Variants in PRKCB observed in about 807,000 individuals in gnomAD.
PRKCB encodes protein kinase C beta type.
A neutral mutation model predicts 81.5 loss-of-function variants in PRKCB; 13 were observed. That is an observed-to-expected ratio of 0.16 (90% CI 0.10 to 0.25). The LOEUF (loss-of-function observed/expected upper bound fraction) is 0.25. Ranked by LOEUF, PRKCB falls within the 10% of genes least tolerant of loss-of-function variation. PRKCB has a pLI of 1.00. For synonymous variants in PRKCB, 335 were observed against 321.4 expected (o/e 1.04, Z -0.45); for missense variants, 509 against 875.7 (o/e 0.58, Z 5.29).
intron 2 of PRKCB, among the ~76,000 whole-genome samples, chr16:23,886,133 C>A (rs1963195283): frequency 6.6e-6 from 1 of 152,192 alleles, no homozygotes; most frequent in Admixed American, 6.5e-5. Context: ...GAGCTGAGAT[C>A]CAAATCTAAG....
intron 2 of PRKCB, among the ~76,000 whole-genome samples, chr16:23,902,359 C>T (rs1413549295): frequency 6.6e-6 from 1 of 152,172 alleles, no homozygotes; most frequent in Non-Finnish European, 1.5e-5. Flanking sequence ...ATACCCCTCA[C>T]CCAAAGTTTC....
At chr16:24,005,535 A>G (rs1203006575) in intron 3 of PRKCB, among the ~76,000 whole-genome samples, 1 of 152,220 alleles carries the variant, frequency 6.6e-6, no homozygotes, top group Admixed American at 6.5e-5. Flanking sequence ...ATCGGGAGTC[A>G]CTTACAGTTC....
intron 2 of PRKCB, among the ~76,000 whole-genome samples, chr16:23,839,555 G>C (rs1438515539): frequency 5.9e-5 from 9 of 152,178 alleles, no homozygotes; most frequent in Admixed American, 5.9e-4. Context: ...TTATAGGTGT[G>C]AGCCACTATG....
At chr16:24,011,355 CA>C (rs1453176211) in intron 3 of PRKCB, among the ~76,000 whole-genome samples, 1 of 152,128 alleles carries the variant, frequency 6.6e-6, no homozygotes, top group Non-Finnish European at 1.5e-5. Context: ...CTGATACTTT[CA>C]GGGGTAGTTT....
intron 3 of PRKCB, 108 bp from the exon 4 acceptor site, chr16:24,032,028 G>T: frequency 1.4e-6 from 1 of 725,650 alleles, no homozygotes. Flanking sequence ...ATGACCTCTG[G>T]GGACCAAGTT....
chr16:24,108,794 TCC>T (rs1966615864), intron 7 of PRKCB, among the ~76,000 whole-genome samples: 1 of 151,820 alleles, frequency 6.6e-6, no homozygotes, highest in South Asian at 2.1e-4. Flanking sequence ...CTCAATCTTT[TCC>T]CCACCTTTCC....
intron 2 of PRKCB, among the ~76,000 whole-genome samples, chr16:23,944,662 C>T (rs1280391023): frequency 1.3e-5 from 2 of 152,148 alleles, no homozygotes; most frequent in Admixed American, 6.5e-5. Context: ...AAGCCAGGTC[C>T]CCCTCCTGCT....
intron 2 of PRKCB, among the ~76,000 whole-genome samples, chr16:23,944,846 A>G (rs1264077303): frequency 6.6e-6 from 1 of 152,226 alleles, no homozygotes; most frequent in Non-Finnish European, 1.5e-5. Flanking sequence ...TGAATTGACT[A>G]GCTTCATGTC....
intron 7 of PRKCB, among the ~76,000 whole-genome samples, chr16:24,110,689 T>G (rs983328471): frequency 6.6e-6 from 1 of 152,070 alleles, no homozygotes; most frequent in Admixed American, 6.5e-5. Flanking sequence ...GCTAAATTTT[T>G]TTAATTTTTT....
intron 2 of PRKCB, among the ~76,000 whole-genome samples, chr16:23,888,502 G>A (rs1597229726): frequency 6.6e-6 from 1 of 152,214 alleles, no homozygotes; most frequent in Admixed American, 6.5e-5. Context: ...CCAGGAAGCT[G>A]AATGCTGTTG....
At chr16:23,994,584 T>C (rs560365224) in intron 3 of PRKCB, among the ~76,000 whole-genome samples, 115 of 152,296 alleles carry the variant, frequency 7.6e-4, no homozygotes, top group Middle Eastern at 3.4e-3. Flanking sequence ...CTTATTCAGC[T>C]CTCTTATTTG....
In PRKCB at chr16:24,218,001, T is replaced by C. The variant is rs2141997853; in HGVS notation, c.*3185T>C. On this transcript the variant is annotated 3_prime_UTR_variant, in exon 17 of 17. Transcript: ENST00000643927. Reference sequence around the variant, plus strand: ...GGACAATTATAAGTTGCAAAAAGGATAGAGGCATATCCCAAGTCTTCCTTC... The same window carrying C: ...GGACAATTATAAGTTGCAAAAAGGACAGAGGCATATCCCAAGTCTTCCTTC... The C allele has an allele frequency of 1.8e-5, 18 of 985,356 alleles. No homozygotes were observed. Among genetic ancestry groups the C allele is most frequent in the Non-Finnish European group, 2.2e-5 (18 of 829,924 alleles). 61.0% of individuals were successfully genotyped at this position (985,356 alleles called of 1,614,324 possible).
At chr16:23,889,731 A>T (rs1963262333) in intron 2 of PRKCB, among the ~76,000 whole-genome samples, 1 of 152,224 alleles carries the variant, frequency 6.6e-6, no homozygotes, top group Non-Finnish European at 1.5e-5. Flanking sequence ...GAGACATAGA[A>T]CTTCTTCCTT....
At chr16:23,907,018 C>T (rs1008006401) in intron 2 of PRKCB, among the ~76,000 whole-genome samples, 2 of 152,072 alleles carry the variant, frequency 1.3e-5, no homozygotes, top group East Asian at 1.9e-4. Context: ...GTGAGTGTCC[C>T]GTGCTGGGAG....
intron 3 of PRKCB, among the ~76,000 whole-genome samples, chr16:24,013,970 T>C (rs1479830378): frequency 6.6e-6 from 1 of 152,136 alleles, no homozygotes; most frequent in Admixed American, 6.5e-5. Context: ...AGGCATTTGC[T>C]CCAGCAGCAT....
intron 4 of PRKCB, among the ~76,000 whole-genome samples, chr16:24,032,763 G>A (rs962362325): frequency 2.0e-5 from 3 of 152,178 alleles, no homozygotes; most frequent in Non-Finnish European, 2.9e-5. Context: ...GTCTCTACTT[G>A]TGTCTTTTGC....
At chr16:23,936,778 T>C (rs1359508834) in intron 2 of PRKCB, among the ~76,000 whole-genome samples, 1 of 152,074 alleles carries the variant, frequency 6.6e-6, no homozygotes, top group Non-Finnish European at 1.5e-5. Flanking sequence ...AAACAAGTCC[T>C]GTAGGGATGG....
At chr16:24,028,878 C>T (rs36078164) in intron 3 of PRKCB, among the ~76,000 whole-genome samples, 1,688 of 152,266 alleles carry the variant, frequency 0.011, 30 homozygotes, top group South Asian at 0.014. Flanking sequence ...GCAACCTCCG[C>T]CTCCTGGGTT....
intron 2 of PRKCB, among the ~76,000 whole-genome samples, chr16:23,878,022 T>C (rs1204083935): frequency 6.6e-6 from 1 of 152,054 alleles, no homozygotes; most frequent in Non-Finnish European, 1.5e-5. Flanking sequence ...TTAGTAGAGA[T>C]GGGGTTTCAC....
Sources: allele counts gnomAD v4.1 joint callset (sites outside exome capture counted in the v4.1 genomes callset), GRCh38; gene constraint gnomAD v4.1.1; transcripts MANE v1.5; gene names NCBI Gene and HGNC (gene_info 2026-07-23, HGNC 2026-07-21).